SCAPER: variants seen among roughly 807,000 people sequenced by gnomAD.
SCAPER encodes the protein S phase cyclin A-associated protein in the endoplasmic reticulum.
SCAPER carries 98 observed loss-of-function variants against 182.2 expected under a neutral mutation model. The observed-to-expected ratio is 0.54, with a 90% CI of 0.46 to 0.64. The LOEUF is 0.64. Among genes scored for constraint, SCAPER ranks in the 30% least tolerant of loss-of-function variants. The pLI is 0.00. For missense variants in SCAPER, 1,432 were observed against 1,690.0 expected, an observed-to-expected ratio of 0.85 and a Z score of 2.68; for synonymous variants, 605 against 564.6, an observed-to-expected ratio of 1.07 and a Z score of -1.01.
At chr15:76,838,089 A>T (rs979653949) in intron 5 of SCAPER, among the ~76,000 whole-genome samples, 1 of 152,198 alleles carries the variant, frequency 6.6e-6, no homozygotes, top group Non-Finnish European at 1.5e-5. Context: ...TACCAAAAAG[A>T]TATATGCACA....
At chr15:76,477,638 A>G (rs766739940) in intron 24 of SCAPER, among the ~76,000 whole-genome samples, 1 of 152,206 alleles carries the variant, frequency 6.6e-6, no homozygotes, top group South Asian at 2.1e-4. Flanking sequence ...TATTTTTTCC[A>G]TGCTTTCACC....
intron 17 of SCAPER, among the ~76,000 whole-genome samples, chr15:76,709,189 T>C (rs2059429702): frequency 6.6e-6 from 1 of 152,186 alleles, no homozygotes; most frequent in East Asian, 1.9e-4. Flanking sequence ...TGGAATGCAG[T>C]AGCGCAATCT....
chr15:76,640,556 T>A (rs2054018120), intron 21 of SCAPER, among the ~76,000 whole-genome samples: 1 of 152,202 alleles, frequency 6.6e-6, no homozygotes, highest in South Asian at 2.1e-4. Context: ...ATGGGTAAAA[T>A]CTTTGGGAGG....
intron 20 of SCAPER, among the ~76,000 whole-genome samples, chr15:76,668,938 C>A (rs2056818151): frequency 1.3e-5 from 2 of 152,244 alleles, no homozygotes; most frequent in Admixed American, 6.5e-5. Flanking sequence ...TACAACGATA[C>A]TTAGAAAAAA....
intron 21 of SCAPER, among the ~76,000 whole-genome samples, chr15:76,658,036 T>C (rs2055819506): frequency 1.3e-5 from 2 of 152,094 alleles, no homozygotes; most frequent in African/African-American, 4.8e-5. Flanking sequence ...ACCACTCCTA[T>C]TCAGCATAGT....
chr15:76,797,930 C>CAAAA (rs57473563), intron 7 of SCAPER, among the ~76,000 whole-genome samples: 1 of 144,270 alleles, frequency 6.9e-6, no homozygotes. Context: ...ACTTTTCAAC[C>CAAAA]AAAAAAAAAA....
At position 76,381,410 on chromosome 15, in the gene SCAPER, T is replaced by G. The variant is rs780779242; in HGVS notation, c.3673A>C (p.Ser1225Arg). ...VAIQSLRFFN[S>R]FAALHLPAFQ... ...GCAGGCAGATGAAGAGCTGCAAAGC[T>G]GTTGAAGAAACGTAAACTCTGAATG... Residue 1225 changes from serine (S) to arginine (R), a missense_variant, in exon 28 of 32, where the codon AGC becomes CGC. Around this residue, in one of 5 missense-constraint regions of SCAPER, gnomAD observed 718 missense variants for 799.7 expected, o/e 0.90. Coordinates refer to ENST00000563290, the MANE Select transcript of SCAPER (RefSeq NM_020843.4). The G allele has an allele frequency of 1.2e-6, 2 of 1,613,800 alleles. No homozygotes were observed. Among genetic ancestry groups the G allele is most frequent in the East Asian group, 4.5e-5 (2 of 44,884 alleles).
chr15:76,610,586 G>A (rs949590516), intron 22 of SCAPER, among the ~76,000 whole-genome samples: 1 of 152,034 alleles, frequency 6.6e-6, no homozygotes, highest in African/African-American at 2.4e-5. Context: ...CAGTAAAGTT[G>A]CAGAATACAA....
chr15:76,735,685 G>C (rs2061214759), intron 15 of SCAPER, among the ~76,000 whole-genome samples: 1 of 125,086 alleles, frequency 8.0e-6, no homozygotes. Context: ...CTAGGCAACA[G>C]AGACTCCGTC....
intron 24 of SCAPER, among the ~76,000 whole-genome samples, chr15:76,499,863 T>C (rs1358712463): frequency 6.6e-6 from 1 of 152,120 alleles, no homozygotes; most frequent in African/African-American, 2.4e-5. Context: ...AAAACAGAAA[T>C]GCCCAATAAA....
At chr15:76,776,644 G>A (rs2063760090) in intron 8 of SCAPER, among the ~76,000 whole-genome samples, 1 of 152,090 alleles carries the variant, frequency 6.6e-6, no homozygotes, top group South Asian at 2.1e-4. Context: ...ACCCAGCAGG[G>A]AGCCAGGATC....
chr15:76,899,402 GA>G (rs2074625430), intron 1 of SCAPER, among the ~76,000 whole-genome samples: 1 of 152,242 alleles, frequency 6.6e-6, no homozygotes, highest in Admixed American at 6.5e-5. Flanking sequence ...GGCCTCGGAT[GA>G]ACTGCCCGCC....
At chr15:76,531,074 T>A (rs1294018531) in intron 23 of SCAPER, among the ~76,000 whole-genome samples, 1 of 151,930 alleles carries the variant, frequency 6.6e-6, no homozygotes, top group East Asian at 1.9e-4. Flanking sequence ...TAAAAACAAT[T>A]ATCTAATTGA....
intron 27 of SCAPER, among the ~76,000 whole-genome samples, chr15:76,400,878 A>C (rs543400122): frequency 2.6e-5 from 4 of 152,116 alleles, no homozygotes; most frequent in Admixed American, 6.5e-5. Context: ...CACAGAAGGA[A>C]TTATATTTCA....
chr15:76,856,642 C>A (rs1200485525), intron 4 of SCAPER, among the ~76,000 whole-genome samples: 1 of 151,642 alleles, frequency 6.6e-6, no homozygotes, highest in South Asian at 2.1e-4. Context: ...CCATGTTTTT[C>A]TCATATGAAA....
chr15:76,677,530 G>A (rs1314044884), intron 20 of SCAPER, among the ~76,000 whole-genome samples: 1 of 151,348 alleles, frequency 6.6e-6, no homozygotes, highest in African/African-American at 2.4e-5. Context: ...AATGTAACAA[G>A]CCCAAAAGCT....
intron 14 of SCAPER, among the ~76,000 whole-genome samples, chr15:76,764,623 A>C (rs2063002721): frequency 2.0e-5 from 3 of 152,242 alleles, no homozygotes; most frequent in Non-Finnish European, 4.4e-5. Flanking sequence ...GCCATGGGCA[A>C]ACACACTACA....
At chr15:76,801,082 G>T (rs1026892092) in intron 6 of SCAPER, among the ~76,000 whole-genome samples, 1 of 152,106 alleles carries the variant, frequency 6.6e-6, no homozygotes, top group Non-Finnish European at 1.5e-5. Flanking sequence ...GTATTTCATT[G>T]TCTTTGTTTT....
intron 20 of SCAPER, among the ~76,000 whole-genome samples, chr15:76,698,342 T>C (rs891699113): frequency 6.6e-6 from 1 of 152,166 alleles, no homozygotes; most frequent in East Asian, 1.9e-4. Flanking sequence ...CTTAACTATA[T>C]GTCAAGCATT....
Sources: gnomAD v4.1 joint callset for allele counts (sites outside exome capture counted in the v4.1 genomes callset) on GRCh38, gnomAD v4.1.1 for gene constraint, gnomAD v4.1.1 regional missense constraint, MANE v1.5 for transcripts, NCBI Gene and HGNC (gene_info 2026-07-23, HGNC 2026-07-21) for gene names.